RGS6: variants seen among roughly 807,000 people sequenced by gnomAD.
RGS6 encodes the protein regulator of G protein signaling 6.
RGS6 carries 30 observed loss-of-function variants against 78.5 expected under a neutral mutation model. The ratio of observed to expected loss-of-function variants is 0.38; its 90% CI spans 0.29 to 0.52. The LOEUF (loss-of-function observed/expected upper bound fraction) is 0.52. RGS6 is among the 20% of genes least tolerant of loss of function. The pLI is 0.85. For missense variants in RGS6, 495 were observed against 609.7 expected (o/e 0.81, Z 1.98); for synonymous variants, 206 against 206.0 (o/e 1.00, Z 0.00).
At chr14:72,589,454 G>A in the RGS6 span, among the ~76,000 whole-genome samples, 1 of 152,220 alleles carries the variant, frequency 6.6e-6, no homozygotes, top group African/African-American at 2.4e-5. Context: ...GGAGGCTGAG[G>A]CAGGAGAATC....
chr14:71,879,906 TG>T, the RGS6 span, among the ~76,000 whole-genome samples: 1 of 152,226 alleles, frequency 6.6e-6, no homozygotes, highest in East Asian at 1.9e-4. Context: ...AGGAACAGTT[TG>T]GAGGACTCAG....
At chr14:72,338,248 AAAGAGGTTT>A (rs2076389513) in intron 2 of RGS6, among the ~76,000 whole-genome samples, 1 of 152,252 alleles carries the variant, frequency 6.6e-6, no homozygotes, top group South Asian at 2.1e-4. Flanking sequence ...TTATAAAGAA[AAAGAGGTTT>A]AACAGACTCA....
intron 6 of RGS6, among the ~76,000 whole-genome samples, chr14:72,463,099 T>G (rs2095822365): frequency 6.6e-6 from 1 of 152,246 alleles, no homozygotes; most frequent in African/African-American, 2.4e-5. Context: ...ATGTCCCAGT[T>G]TTGTGTGGTG....
rs796116380 is a variant in RGS6 at position 72,520,902 on chromosome 14, G to A, written c.1278+2365G>A. The stretch of plus-strand genomic sequence containing the variant: ...TTGACATCATCCAAATAGCAGGGAA[G>A]CTAAGATATTCCAGTCTTTGCCCTT... On this transcript the variant is annotated intron_variant, in intron 15 of 17. Coordinates refer to ENST00000553525, the MANE Select transcript of RGS6 (RefSeq NM_001204424.2). Among the ~76,000 whole-genome samples, 27 of 152,318 alleles carry A rather than the reference G, an allele frequency of 1.8e-4. 1 individual carries two copies. Among genetic ancestry groups the A allele is most frequent in the African/African-American group, 6.3e-4 (26 of 41,580 alleles).
chr14:72,009,054 AC>A (rs1242706787), intron 2 of RGS6, among the ~76,000 whole-genome samples: 2 of 152,168 alleles, frequency 1.3e-5, no homozygotes. Context: ...GTAATGAGCA[AC>A]CCTCAGTAAA....
At chr14:71,942,447 C>T (rs2090762329) in intron 1 of RGS6, among the ~76,000 whole-genome samples, 1 of 152,124 alleles carries the variant, frequency 6.6e-6, no homozygotes, top group African/African-American at 2.4e-5. Context: ...CATCCCCCAT[C>T]CCTCCCACCA....
rs577934504 is a variant in RGS6, at chr14:72,437,233, C to T, written c.185-17295C>T. Reference sequence around the variant, plus strand: ...GCGGGTGCCTGTAATCCCATCTACTCGGGAGGCTGAGACAGGAGAATCGCT... The same window carrying T: ...GCGGGTGCCTGTAATCCCATCTACTTGGGAGGCTGAGACAGGAGAATCGCT... On this transcript the variant is annotated intron_variant, in intron 3 of 17. Transcript: ENST00000553525. 9.5e-5 allele frequency among the ~76,000 whole-genome samples: 14 copies of T among 148,142 alleles called. No homozygotes were observed. The East Asian group carries it at 9.9e-4, about 10-fold the overall frequency.
At chr14:72,417,632 A>G (rs1163877546) in intron 3 of RGS6, among the ~76,000 whole-genome samples, 1 of 152,244 alleles carries the variant, frequency 6.6e-6, no homozygotes, top group Non-Finnish European at 1.5e-5. Flanking sequence ...TTCCGCACTC[A>G]TTAGCCAGAT....
At chr14:72,310,156 T>C (rs537270473) in intron 2 of RGS6, among the ~76,000 whole-genome samples, 2 of 152,314 alleles carry the variant, frequency 1.3e-5, no homozygotes, top group African/African-American at 4.8e-5. Flanking sequence ...TGTGCACTGC[T>C]GAGCAGAGCC....
At chr14:72,531,478 T>C (rs983012702) in intron 15 of RGS6, among the ~76,000 whole-genome samples, 7 of 151,530 alleles carry the variant, frequency 4.6e-5, no homozygotes, top group Non-Finnish European at 8.8e-5. Context: ...TTTAATTTCA[T>C]TTGAGTCCTT....
At chr14:72,103,455 A>G (rs1285231726) in intron 2 of RGS6, among the ~76,000 whole-genome samples, 3 of 152,194 alleles carry the variant, frequency 2.0e-5, no homozygotes, top group Non-Finnish European at 4.4e-5. Context: ...GAGGAAAACA[A>G]CAACTTTCAT....
intron 2 of RGS6, chr14:71,990,807 G>C (rs2094925332): frequency 2.2e-6 from 1 of 455,902 alleles, no homozygotes; most frequent in South Asian, 1.5e-5. Flanking sequence ...ATCTCTGTTT[G>C]AATCTTCCTC....
intron 2 of RGS6, among the ~76,000 whole-genome samples, chr14:72,181,138 C>T (rs149653): frequency 0.16 from 24,942 of 152,164 alleles, 2,181 homozygotes; most frequent in East Asian, 0.28. Context: ...AAGTACTTTG[C>T]TTTATTTGTC....
chr14:72,341,399 A>T (rs2076965185), intron 2 of RGS6, among the ~76,000 whole-genome samples: 1 of 152,204 alleles, frequency 6.6e-6, no homozygotes, highest in African/African-American at 2.4e-5. Flanking sequence ...GGGGATTACA[A>T]TTCAACATGA....
chr14:72,153,905 G>A (rs1444222756), intron 2 of RGS6, among the ~76,000 whole-genome samples: 1 of 152,174 alleles, frequency 6.6e-6, no homozygotes, highest in African/African-American at 2.4e-5. Context: ...TTCGAGAGCA[G>A]AGAACTGGTC....
At chr14:72,621,039 G>C in the RGS6 span, among the ~76,000 whole-genome samples, 1 of 152,068 alleles carries the variant, frequency 6.6e-6, no homozygotes, top group Admixed American at 6.5e-5. Context: ...TACTCAGGAG[G>C]CTGAGGCAGG....
chr14:72,288,294 G>C (rs1330444799), intron 2 of RGS6, among the ~76,000 whole-genome samples: 1 of 152,160 alleles, frequency 6.6e-6, no homozygotes, highest in Non-Finnish European at 1.5e-5. Context: ...TTACTTTTAA[G>C]ACTCTTCTAA....
intron 3 of RGS6, among the ~76,000 whole-genome samples, chr14:72,431,280 T>A (rs552634765): frequency 5.9e-5 from 9 of 152,270 alleles, no homozygotes; most frequent in African/African-American, 2.2e-4. Flanking sequence ...AATGCAGACT[T>A]CAAGGCTCAT....
chr14:72,056,189 G>C (rs1048828165), intron 2 of RGS6, among the ~76,000 whole-genome samples: 2 of 152,112 alleles, frequency 1.3e-5, no homozygotes, highest in Non-Finnish European at 2.9e-5. Flanking sequence ...TTTACAGATG[G>C]GGGGATGTGA....
Sources: gnomAD v4.1 joint callset for allele counts (sites outside exome capture counted in the v4.1 genomes callset) on GRCh38, gnomAD v4.1.1 for gene constraint, MANE v1.5 for transcripts, NCBI Gene and HGNC (gene_info 2026-07-23, HGNC 2026-07-21) for gene names.